Variants in ZFHX3 observed in about 807,000 individuals in gnomAD.
ZFHX3 encodes the protein zinc finger homeobox 3, also known as zinc finger homeobox protein 3.
In ZFHX3, 42 loss-of-function variants were observed where a neutral mutation model predicts 279.1. The observed-to-expected ratio is 0.15, with a 90% CI of 0.12 to 0.19. The LOEUF is 0.19. Among genes scored for constraint, ZFHX3 ranks in the 10% least tolerant of loss-of-function variants. The pLI is 1.00. For missense variants in ZFHX3, 4,981 were observed against 4,754.0 expected (o/e 1.05, Z -1.40); for synonymous variants, 2,293 against 1,957.8 (o/e 1.17, Z -4.52).
chr16:73,605,046 G>A (rs957925103), intron 2 of ZFHX3, among the ~76,000 whole-genome samples: 3 of 152,126 alleles, frequency 2.0e-5, no homozygotes, highest in Non-Finnish European at 4.4e-5. Flanking sequence ...AGCTCTGATT[G>A]CCCAACAAGA....
chr16:72,800,763 C>T (rs911823248), intron 7 of ZFHX3, among the ~76,000 whole-genome samples: 2 of 152,304 alleles, frequency 1.3e-5, no homozygotes, highest in African/African-American at 4.8e-5. Context: ...ACTTAAGCCA[C>T]GATTTCTTCT....
chr16:73,879,475 T>C (rs2030071730), intron 1 of ZFHX3, among the ~76,000 whole-genome samples: 1 of 152,070 alleles, frequency 6.6e-6, no homozygotes, highest in Non-Finnish European at 1.5e-5. Flanking sequence ...ACGCTTCCCT[T>C]TCATTCTGGT....
At chr16:73,680,866 T>C (rs1194539486) in intron 1 of ZFHX3, among the ~76,000 whole-genome samples, 1 of 152,220 alleles carries the variant, frequency 6.6e-6, no homozygotes, top group Non-Finnish European at 1.5e-5. Flanking sequence ...GCCTTAGATA[T>C]TGTGTGGAAA....
chr16:73,756,559 G>A (rs542614946), intron 1 of ZFHX3, among the ~76,000 whole-genome samples: 1 of 148,140 alleles, frequency 6.8e-6, no homozygotes, highest in Admixed American at 6.7e-5. Context: ...CCTTCACTGG[G>A]GAGGGAGACC....
chr16:73,010,185 G>A (rs1199595886), intron 1 of ZFHX3, among the ~76,000 whole-genome samples: 2 of 152,046 alleles, frequency 1.3e-5, no homozygotes, highest in Non-Finnish European at 2.9e-5. Flanking sequence ...ACTGCTACTC[G>A]CCCTGCTGGG....
intron 1 of ZFHX3, among the ~76,000 whole-genome samples, chr16:73,811,111 C>T (rs1289897846): frequency 6.6e-6 from 1 of 152,150 alleles, no homozygotes; most frequent in African/African-American, 2.4e-5. Flanking sequence ...CTCAGTGCAT[C>T]GTCACATTAT....
At chr16:73,017,864 C>T (rs1964161210) in intron 1 of ZFHX3, among the ~76,000 whole-genome samples, 2 of 152,238 alleles carry the variant, frequency 1.3e-5, no homozygotes. Flanking sequence ...TGACCCATCC[C>T]TACCTCTGCA....
Position 72,783,399 on chromosome 16 carries a change from T to TTTAA in ZFHX3, c.*3761_*3764dup, listed in dbSNP as rs1046812593. The TTTAA allele has an allele frequency of 2.0e-5, 3 of 152,564 alleles. No individual in the cohort carries two copies. Among genetic ancestry groups the TTTAA allele is most frequent in the African/African-American group, 4.8e-5 (2 of 41,426 alleles). 9.5% of individuals were successfully genotyped at this position (152,564 alleles called of 1,614,324 possible). ...CAATTTATGCTTCTATTTAAAATGTTTTAATTTATTATTTAAAAAAAATAT... is the reference window on the plus strand; with the variant it reads ...CAATTTATGCTTCTATTTAAAATGTTTTAATTAATTTATTATTTAAAAAAAATAT... On this transcript the variant is annotated 3_prime_UTR_variant, in exon 10 of 10. Transcript: ENST00000268489.
intron 2 of ZFHX3, among the ~76,000 whole-genome samples, chr16:73,637,198 A>C (rs2052534482): frequency 6.6e-6 from 1 of 151,762 alleles, no homozygotes; most frequent in African/African-American, 2.4e-5. Flanking sequence ...AATTGGGAGA[A>C]AATGAGGTTA....
chr16:73,823,311 T>A (rs138674670), intron 1 of ZFHX3, among the ~76,000 whole-genome samples: 381 of 151,938 alleles, frequency 2.5e-3, no homozygotes, highest in South Asian at 4.8e-3. Context: ...GAGGCCACAG[T>A]GGAGGGAAAA....
At chr16:72,798,902 A>T (rs555274162) in intron 8 of ZFHX3, among the ~76,000 whole-genome samples, 188 bp from the exon 9 acceptor site, 1 of 152,218 alleles carries the variant, frequency 6.6e-6, no homozygotes, top group African/African-American at 2.4e-5. Flanking sequence ...AATAGAGCAC[A>T]TATTATAAAC....
intron 1 of ZFHX3, among the ~76,000 whole-genome samples, chr16:73,789,963 G>A (rs115387890): frequency 0.029 from 4,432 of 152,092 alleles, 217 homozygotes; most frequent in African/African-American, 0.1. Context: ...ATTTATTATC[G>A]CATTGCACTC....
At chr16:73,468,698 C>T (rs2018613226) in intron 2 of ZFHX3, among the ~76,000 whole-genome samples, 1 of 152,202 alleles carries the variant, frequency 6.6e-6, no homozygotes, top group South Asian at 2.1e-4. Flanking sequence ...GATTGCACCA[C>T]TGCACAAAGA....
intron 2 of ZFHX3, among the ~76,000 whole-genome samples, chr16:73,569,424 CGAAA>C (rs546577049): frequency 6.6e-6 from 1 of 151,394 alleles, no homozygotes; most frequent in Admixed American, 6.6e-5. Context: ...CTAAAAACTC[CGAAA>C]GAGATACCGA....
intron 2 of ZFHX3, chr16:73,608,830 A>C (rs2052217314): frequency 6.6e-6 from 1 of 152,216 alleles, no homozygotes. Flanking sequence ...TTAAAAAAAC[A>C]ACAACCTTTA....
At chr16:73,618,320 A>C (rs1009310034) in intron 2 of ZFHX3, among the ~76,000 whole-genome samples, 1 of 152,208 alleles carries the variant, frequency 6.6e-6, no homozygotes, top group Non-Finnish European at 1.5e-5. Context: ...GGAAAATTCT[A>C]TCTCACCACA....
At chr16:73,033,133 C>T (rs1964768657) in intron 1 of ZFHX3, among the ~76,000 whole-genome samples, 1 of 152,184 alleles carries the variant, frequency 6.6e-6, no homozygotes, top group South Asian at 2.1e-4. Context: ...CTCCACCACC[C>T]TCCATGGACA....
intron 1 of ZFHX3, among the ~76,000 whole-genome samples, chr16:73,769,709 C>T (rs568279259): frequency 6.6e-6 from 1 of 152,210 alleles, no homozygotes; most frequent in Non-Finnish European, 1.5e-5. Flanking sequence ...TAAAAGGAAA[C>T]ACATTTTTTG....
intron 1 of ZFHX3, among the ~76,000 whole-genome samples, chr16:73,712,576 T>A (rs973891612): frequency 3.3e-5 from 5 of 152,182 alleles, no homozygotes; most frequent in African/African-American, 1.2e-4. Context: ...TTTGGCTTCT[T>A]TGAGCATGGG....
Sources: gnomAD v4.1 joint callset for allele counts (sites outside exome capture counted in the v4.1 genomes callset) on GRCh38, gnomAD v4.1.1 for gene constraint, MANE v1.5 for transcripts, NCBI Gene and HGNC (gene_info 2026-07-23, HGNC 2026-07-21) for gene names.